Variants in TOGARAM1 observed in about 807,000 individuals in gnomAD.
TOGARAM1 encodes TOG array regulator of axonemal microtubules 1, also known as TOG array regulator of axonemal microtubules protein 1.
Under a neutral mutation model 166.6 loss-of-function variants are expected in TOGARAM1, and 100 were observed. The observed-to-expected ratio is 0.60, with a 90% confidence interval of 0.51 to 0.71. The LOEUF is 0.71. TOGARAM1 is among the 30% of genes least tolerant of loss of function. The pLI is 0.00. For synonymous variants in TOGARAM1, 758 were observed against 763.8 expected (o/e 0.99, Z 0.13); for missense variants, 2,029 against 2,102.7 (o/e 0.96, Z 0.69).
chr14:44,977,071 T>G (rs1886235596), intron 1 of TOGARAM1, among the ~76,000 whole-genome samples: 1 of 152,144 alleles, frequency 6.6e-6, no homozygotes, highest in South Asian at 2.1e-4. Flanking sequence ...GTGATTTCAT[T>G]TCTAAACATA....
At chr14:45,045,419 A>G (rs1881937606) in intron 13 of TOGARAM1, among the ~76,000 whole-genome samples, 1 of 150,486 alleles carries the variant, frequency 6.6e-6, no homozygotes, top group Admixed American at 6.7e-5. Context: ...ATAGGTGAGA[A>G]CATATGGTTT....
chr14:45,054,322 C>T (rs953185640), intron 15 of TOGARAM1, 109 bp from the exon 16 acceptor site: 2 of 650,224 alleles, frequency 3.1e-6, no homozygotes, highest in Non-Finnish European at 5.2e-6. Flanking sequence ...TATTAAAATA[C>T]TTTCCATCTT....
chr14:45,027,168 A>C, intron 8 of TOGARAM1, 131 bp from the exon 9 acceptor site: 1 of 811,304 alleles, frequency 1.2e-6, no homozygotes, highest in East Asian at 2.8e-5. Flanking sequence ...ATATTTTATA[A>C]TTATTTAGCA....
chr14:45,022,784 C>T (rs1455444755), intron 7 of TOGARAM1: 1 of 151,912 alleles, frequency 6.6e-6, no homozygotes, highest in African/African-American at 2.4e-5. Flanking sequence ...TCAATATCTG[C>T]TTGGTGATTC....
chr14:45,004,797 T>C (rs1246061850), intron 4 of TOGARAM1, among the ~76,000 whole-genome samples: 1 of 152,104 alleles, frequency 6.6e-6, no homozygotes, highest in African/African-American at 2.4e-5. Context: ...CATATGTTGT[T>C]TGAGAGCCTA....
chr14:45,046,357 A>T (rs1227544677), intron 13 of TOGARAM1, among the ~76,000 whole-genome samples, 188 bp from the exon 14 acceptor site: 4 of 152,082 alleles, frequency 2.6e-5, no homozygotes, highest in African/African-American at 9.7e-5. Context: ...GATCACTTGA[A>T]CCCAGGAGGT....
chr14:44,998,465 A>G (rs1594638092), intron 2 of TOGARAM1, among the ~76,000 whole-genome samples: 1 of 152,236 alleles, frequency 6.6e-6, no homozygotes, highest in Non-Finnish European at 1.5e-5. Flanking sequence ...CTGTAATCCC[A>G]GCACTTTGGG....
At chr14:45,043,052 G>C (rs1881805992) in intron 11 of TOGARAM1, among the ~76,000 whole-genome samples, 1 of 152,244 alleles carries the variant, frequency 6.6e-6, no homozygotes, top group Admixed American at 6.5e-5. Flanking sequence ...CTAATAGGAG[G>C]CTGTTTCATT....
rs1349675631 is a variant in TOGARAM1, at chr14:45,043,811, G to T, written c.3918+20G>T. 7.4e-7 allele frequency: 1 copy of T among 1,352,646 alleles called. No individual in the cohort carries two copies. The highest frequency in any genetic ancestry group is 1.7e-5 in the Admixed American group (1 of 59,560). 83.8% of individuals were successfully genotyped at this position (1,352,646 alleles called of 1,614,324 possible). A position where few individuals can be genotyped will look rare whatever the true frequency, so the allele number is the denominator to read the frequency against. Reference sequence around the variant, plus strand: ...CAAGAGGTAAACTTATTTTTCAGATGAGTTAAGGATTGTTAGAATAACAAA... The same window carrying T: ...CAAGAGGTAAACTTATTTTTCAGATTAGTTAAGGATTGTTAGAATAACAAA... On this transcript the variant is annotated intron_variant, in intron 12 of 19. Transcript: ENST00000361462.
intron 16 of TOGARAM1, among the ~76,000 whole-genome samples, chr14:45,061,343 T>G (rs1359212250): frequency 1.3e-5 from 2 of 152,222 alleles, no homozygotes; most frequent in East Asian, 1.9e-4. Flanking sequence ...CTTCTTGTAT[T>G]TCATTTCCTC....
intron 3 of TOGARAM1, among the ~76,000 whole-genome samples, chr14:45,002,840 A>T (rs1041611276): frequency 6.6e-6 from 1 of 152,136 alleles, no homozygotes; most frequent in Admixed American, 6.5e-5. Flanking sequence ...CTAGCCGGAC[A>T]TGGTGGCGGG....
At chr14:44,967,882 A>G (rs1454126926) in intron 1 of TOGARAM1, among the ~76,000 whole-genome samples, 1 of 152,142 alleles carries the variant, frequency 6.6e-6, no homozygotes, top group Admixed American at 6.5e-5. Flanking sequence ...TAATCTGGTT[A>G]TATGTTATTT....
chr14:45,026,610 C>T (rs1397913766), intron 8 of TOGARAM1, among the ~76,000 whole-genome samples: 2 of 152,092 alleles, frequency 1.3e-5, no homozygotes, highest in Non-Finnish European at 2.9e-5. Flanking sequence ...TAAACATCCC[C>T]ATCTCATAGA....
At chr14:45,071,848 C>A in intron 19 of TOGARAM1, 50 bp downstream of exon 19, 1 of 1,346,398 alleles carries the variant, frequency 7.4e-7, no homozygotes, top group Non-Finnish European at 1.0e-6. Flanking sequence ...TAAGGATAAA[C>A]TGATAAACTG....
In TOGARAM1 at chr14:44,962,381, G is replaced by C. The variant is rs1216091491; in HGVS notation, c.-41G>C. Reference sequence around the variant, plus strand: ...GGGCTCCATCGAGCCCTTTGGAGACGGCAATGGTTTCTTCCAACCACCACC... The same window carrying C: ...GGGCTCCATCGAGCCCTTTGGAGACCGCAATGGTTTCTTCCAACCACCACC... On this transcript the variant is annotated 5_prime_UTR_variant, in exon 1 of 20. Coordinates refer to ENST00000361462, the MANE Select transcript of TOGARAM1 (RefSeq NM_001308120.2). 3.3e-6 allele frequency: 5 copies of C among 1,505,958 alleles called. No individual in the cohort carries two copies. Among genetic ancestry groups the C allele is most frequent in the Non-Finnish European group, 4.4e-6 (5 of 1,133,984 alleles). 93.3% of individuals were successfully genotyped at this position (1,505,958 alleles called of 1,614,324 possible).
rs573557566 is a variant in TOGARAM1 at position 45,073,663 on chromosome 14, A to C, written c.*102A>C. On this transcript the variant is annotated 3_prime_UTR_variant, in exon 20 of 20. Coordinates refer to ENST00000361462, the MANE Select transcript of TOGARAM1 (RefSeq NM_001308120.2). Reference sequence around the variant, plus strand: ...CAGTGCCTGCACTTCACATCCAGCAAATTAAGTCAATGGCTATTTTTATTT... The same window carrying C: ...CAGTGCCTGCACTTCACATCCAGCACATTAAGTCAATGGCTATTTTTATTT... 1.1e-5 allele frequency: 12 copies of C among 1,061,654 alleles called. No homozygotes were observed. The African/African-American group carries it at 1.8e-4, about 16-fold the overall frequency. The allele number at this position is 1,061,654 out of a possible 1,614,324, so 65.8% of individuals were successfully genotyped here.
Position 45,004,354 on chromosome 14 carries a change from G to A in TOGARAM1, c.2632G>A (p.Gly878Ser), listed in dbSNP as rs1566626010. 1 of 1,612,338 alleles carries A rather than the reference G, an allele frequency of 6.2e-7. No homozygotes were observed. ...LVSQKSSDPTGRNHGENSQEK... is the reference protein window; with the variant it reads ...LVSQKSSDPTSRNHGENSQEK... ...CAGCCAAAAATCGTCTGATCCTACG[G>A]GTAGAAATCATGGTAAAAGTCAATA... Residue 878 changes from glycine to serine, a missense_variant, in exon 4 of 20, where the codon GGT (glycine) becomes AGT (serine). This residue lies in a region of TOGARAM1 where 1,453 missense variants were observed against 1,432.2 expected (regional missense o/e 1.01). Coordinates refer to ENST00000361462, the MANE Select transcript of TOGARAM1 (RefSeq NM_001308120.2).
intron 13 of TOGARAM1, among the ~76,000 whole-genome samples, chr14:45,045,581 ATATGTGTGTG>A (rs1306333977): frequency 3.1e-3 from 101 of 33,114 alleles, no homozygotes; most frequent in African/African-American, 0.019. Flanking sequence ...ATATATATAT[ATATGTGTGTG>A]TGTGTGTGTG....
rs142014626 is a variant in TOGARAM1, at chr14:44,999,362, G to T, written c.2204-1G>T. On this transcript the variant is annotated splice_acceptor_variant, in intron 2 of 19. Coordinates refer to ENST00000361462, the MANE Select transcript of TOGARAM1 (RefSeq NM_001308120.2). LOFTEE classifies it high-confidence loss of function. ...GTTTTCTCCCTTCCTTTCTTCAAAAGGTACTACTGGGACTCATCAAACAAA... is the reference window on the plus strand; with the variant it reads ...GTTTTCTCCCTTCCTTTCTTCAAAATGTACTACTGGGACTCATCAAACAAA... 6 of 1,548,694 alleles carry T rather than the reference G, an allele frequency of 3.9e-6. No individual in the cohort carries two copies. Among genetic ancestry groups the T allele is most frequent in the Non-Finnish European group, 5.2e-6 (6 of 1,144,350 alleles).
Sources: allele counts gnomAD v4.1 joint callset (sites outside exome capture counted in the v4.1 genomes callset), GRCh38; gene constraint gnomAD v4.1.1; regional missense constraint gnomAD v4.1.1; transcripts MANE v1.5; gene names NCBI Gene and HGNC (gene_info 2026-07-23, HGNC 2026-07-21).